The following SYNE2 variants were observed in gnomAD, a reference collection of about 807,000 sequenced individuals.
The protein encoded by SYNE2 is nesprin-2.
SYNE2 carries 431 observed loss-of-function variants against 856.3 expected under a neutral mutation model. The observed-to-expected ratio is 0.50, with a 90% CI of 0.47 to 0.55. The LOEUF is 0.55. Ranked by LOEUF, SYNE2 falls within the 20% of genes least tolerant of loss-of-function variation. The probability of loss-of-function intolerance (pLI) is 0.00; values close to 1 mark genes in which losing one functional copy is unlikely to be tolerated. For synonymous variants in SYNE2, 2,923 were observed against 2,872.3 expected (o/e 1.02, Z -0.56); for missense variants, 8,129 against 8,023.2 (o/e 1.01, Z -0.50).
chr14:63,975,921 G>T (rs1272156), intron 11 of SYNE2, among the ~76,000 whole-genome samples: 47,724 of 151,996 alleles, frequency 0.31, 7,785 homozygotes, highest in African/African-American at 0.37. Flanking sequence ...TTGCCGGGGG[G>T]ACATCCAGGT....
intron 1 of SYNE2, among the ~76,000 whole-genome samples, chr14:63,803,525 G>GC (rs1306720263): frequency 6.6e-6 from 1 of 152,204 alleles, no homozygotes; most frequent in African/African-American, 2.4e-5. Flanking sequence ...GTCCCTCATT[G>GC]CCCGGGGCAG....
In SYNE2 at chr14:64,121,466, C is replaced by T. The variant is rs144100227; in HGVS notation, c.13158+405C>T. On this transcript the variant is annotated intron_variant, in intron 68 of 115. Coordinates refer to ENST00000555002, the MANE Select transcript of SYNE2 (RefSeq NM_182914.3). The stretch of plus-strand genomic sequence containing the variant: ...TGAATCCAGGAGGCAGAGGTTGCAG[C>T]GAGCTAAGATCACACCACTCTACTC... Among the ~76,000 whole-genome samples the T allele has an allele frequency of 2.7e-3, 407 of 152,216 alleles. 1 individual carries two copies. Among genetic ancestry groups the T allele is most frequent in the South Asian group, 6.8e-3 (33 of 4,824 alleles).
At position 64,212,061 on chromosome 14, in the gene SYNE2, C is replaced by T. The variant is rs1567659367; in HGVS notation, c.18824C>T (p.Ser6275Leu). The part of the protein sequence containing the change: ...DLQLTNVEHF[S>L]ESDADDKMRQ... ...CAGCTGACCAACGTGGAGCACTTCT[C>T]AGAGAGTGACGCCGATGACAAGATG... The change falls in exon 104 of 116, where the codon TCA becomes TTA. Residue 6275 changes from serine to leucine, a missense_variant. By Grantham distance (145) the Ser-to-Leu change is moderately radical (BLOSUM62 -2). This residue lies in a region of SYNE2 where 5,410 missense variants were observed against 5,284.8 expected (regional missense o/e 1.02). Coordinates refer to ENST00000555002, the MANE Select transcript of SYNE2 (RefSeq NM_182914.3). 3 of 1,614,192 alleles carry T rather than the reference C, an allele frequency of 1.9e-6. No individual in the cohort carries two copies. The highest frequency in any genetic ancestry group is 1.1e-5 in the South Asian group (1 of 91,084).
At chr14:63,769,946 G>T (rs1219850771) in intron 1 of SYNE2, among the ~76,000 whole-genome samples, 2 of 151,860 alleles carry the variant, frequency 1.3e-5, no homozygotes, top group Non-Finnish European at 2.9e-5. Context: ...AGATGGTCTT[G>T]CTCTGTTGTC....
chr14:64,209,866 G>C, intron 102 of SYNE2, 76 bp from the exon 103 acceptor site: 1 of 1,598,014 alleles, frequency 6.3e-7, no homozygotes, highest in Non-Finnish European at 8.6e-7. Context: ...GCAGCAGGTC[G>C]CTTGGGATGT....
intron 9 of SYNE2, among the ~76,000 whole-genome samples, chr14:63,962,053 G>GTTTA (rs994294482): frequency 6.6e-6 from 1 of 150,500 alleles, no homozygotes; most frequent in African/African-American, 2.4e-5. Context: ...TTTTATTTTT[G>GTTTA]TTTATTTATT....
At chr14:64,126,221 A>C in intron 71 of SYNE2, 106 bp from the exon 72 acceptor site, 1 of 992,430 alleles carries the variant, frequency 1.0e-6, no homozygotes, top group South Asian at 1.4e-5. Context: ...CTTATTACAA[A>C]AGAAGCATAA....
intron 109 of SYNE2, 28 bp downstream of exon 109, chr14:64,218,540 G>T: frequency 6.2e-7 from 1 of 1,602,548 alleles, no homozygotes; most frequent in South Asian, 1.1e-5. Flanking sequence ...CAGTCGTCCA[G>T]AGAGGCAGAG....
intron 49 of SYNE2, among the ~76,000 whole-genome samples, chr14:64,061,337 A>G (rs1213533574): frequency 6.6e-6 from 1 of 152,244 alleles, no homozygotes; most frequent in Non-Finnish European, 1.5e-5. Context: ...TTTTGCATTC[A>G]GAAACAGTGC....
At chr14:63,861,265 C>T (rs1893602706) in intron 1 of SYNE2, among the ~76,000 whole-genome samples, 3 of 151,360 alleles carry the variant, frequency 2.0e-5, no homozygotes. Context: ...CTACCTCAGA[C>T]TCCTGAGTAG....
In SYNE2 at chr14:64,219,896, C is replaced by T. The variant is rs1596307466; in HGVS notation, c.19860+486C>T. Among the ~76,000 whole-genome samples, 3 of 152,196 alleles carry T rather than the reference C, an allele frequency of 2.0e-5. No homozygotes were observed. In the East Asian group the frequency reaches 5.8e-4, roughly 29 times the overall value. On this transcript the variant is annotated intron_variant, in intron 110 of 115. Transcript: ENST00000555002. ...ATTAGGATGTGTCACTTACATAAGTCCTGACCCCACTGGAACTAGCCCAGG... is the reference window on the plus strand; with the variant it reads ...ATTAGGATGTGTCACTTACATAAGTTCTGACCCCACTGGAACTAGCCCAGG...
intron 1 of SYNE2, among the ~76,000 whole-genome samples, chr14:63,865,445 CCTAG>C (rs1894938476): frequency 6.6e-6 from 1 of 151,196 alleles, no homozygotes; most frequent in Non-Finnish European, 1.5e-5. Context: ...TATTGCCAGG[CCTAG>C]AATGATGAGT....
chr14:64,225,528 G>A lies in SYNE2; in HGVS notation c.*2G>A, dbSNP rs2098715306. The A allele has an allele frequency of 6.2e-7, 1 of 1,612,780 alleles. No individual in the cohort carries two copies. The highest frequency in any genetic ancestry group is 8.5e-7 in the Non-Finnish European group (1 of 1,179,840). On this transcript the variant is annotated 3_prime_UTR_variant, in exon 116 of 116. Coordinates refer to ENST00000555002, the MANE Select transcript of SYNE2 (RefSeq NM_182914.3). ...ACCAATGGGCCACCCCCCACATAGA[G>A]GGCATAGCTGGCCACAGTGCTACAC...
chr14:64,220,764 T>C, intron 111 of SYNE2, 127 bp downstream of exon 111: 2 of 1,128,414 alleles, frequency 1.8e-6, no homozygotes, highest in Non-Finnish European at 2.6e-6. Context: ...AGGAAACATG[T>C]GCTTTACCAT....
intron 32 of SYNE2, among the ~76,000 whole-genome samples, chr14:64,014,480 G>A (rs1176865965): frequency 6.6e-6 from 1 of 152,116 alleles, no homozygotes; most frequent in Non-Finnish European, 1.5e-5. Context: ...AGGTTGGAGT[G>A]CCATGGCACG....
intron 18 of SYNE2, 85 bp from the exon 19 acceptor site, chr14:63,986,371 A>G: frequency 3.5e-6 from 5 of 1,437,594 alleles, no homozygotes; most frequent in Non-Finnish European, 4.8e-6. Flanking sequence ...AAGAGCTGGG[A>G]TTACAGGTGT....
chr14:64,189,131 C>G (rs1313121390), intron 98 of SYNE2: 3 of 607,766 alleles, frequency 4.9e-6, no homozygotes, highest in Non-Finnish European at 5.8e-6. Context: ...GTCAAGAGTT[C>G]AAGACCAGCC....
At position 64,078,504 on chromosome 14, in the gene SYNE2, A is replaced by C. The variant is rs769752720; in HGVS notation, c.11061A>C (p.Ala3687=). The C allele has an allele frequency of 1.2e-6, 2 of 1,614,146 alleles. No homozygotes were observed. Among genetic ancestry groups the C allele is most frequent in the Non-Finnish European group, 1.7e-6 (2 of 1,180,014 alleles). The part of the protein sequence containing the change: ...NEVLKSSPSY[A]MRRKIEEINN... ...TCTTAAAAAGCTCACCATCATATGC[A>C]ATGAGGAGAAAAATAGAAGAAATTA... The change falls in exon 55 of 116, where the codon GCA becomes GCC. Residue 3687 remains alanine, a synonymous_variant. Coordinates refer to ENST00000555002, the MANE Select transcript of SYNE2 (RefSeq NM_182914.3).
At chr14:64,224,929 T>A in intron 114 of SYNE2, 70 bp from the exon 115 acceptor site, 1 of 1,277,138 alleles carries the variant, frequency 7.8e-7, no homozygotes, top group South Asian at 1.4e-5. Context: ...AGGGAGGATT[T>A]TTTTTTTTTT....
Sources: gnomAD v4.1 joint callset for allele counts (sites outside exome capture counted in the v4.1 genomes callset) on GRCh38, gnomAD v4.1.1 for gene constraint, gnomAD v4.1.1 regional missense constraint, MANE v1.5 for transcripts, NCBI Gene and HGNC (gene_info 2026-07-23, HGNC 2026-07-21) for gene names.